The following AP2M1 variants were observed in gnomAD, a reference collection of about 807,000 sequenced individuals.
AP2M1 encodes the protein AP-2 complex subunit mu.
In AP2M1, 5 loss-of-function variants were observed where a neutral mutation model predicts 54.5. The observed-to-expected ratio is 0.09, with a 90% CI of 0.05 to 0.19. AP2M1 has a LOEUF of 0.19. Among genes scored for constraint, AP2M1 ranks in the 10% least tolerant of loss-of-function variants. AP2M1 has a pLI of 1.00. For synonymous variants in AP2M1, 186 were observed against 208.2 expected (o/e 0.89, Z 0.92); for missense variants, 178 against 580.2 (o/e 0.31, Z 7.12).
In AP2M1 at chr3:184,182,143, A is replaced by T; in HGVS notation, c.964-8A>T. 1 of 1,613,676 alleles carries T rather than the reference A, an allele frequency of 6.2e-7. No individual in the cohort carries two copies. Among genetic ancestry groups the T allele is most frequent in the Non-Finnish European group, 8.5e-7 (1 of 1,179,770 alleles). On this transcript the variant is annotated splice_polypyrimidine_tract_variant and splice_region_variant and intron_variant, in intron 9 of 11. Transcript: ENST00000292807. This position sits in a 1 kb window ranked among gnomAD's most constrained non-coding sequence, Gnocchi z 5.5. ...GACAGAGCTCCCTGACAGGTGTGTC[A>T]CTTCTAGGTGAGGATCCCAACCCCA...
At position 184,178,015 on chromosome 3, in the gene AP2M1, C is replaced by G; in HGVS notation, c.75-842C>G. 3.0e-6 allele frequency: 2 copies of G among 674,496 alleles called. No individual in the cohort carries two copies. Among genetic ancestry groups the G allele is most frequent in the East Asian group, 5.5e-5 (2 of 36,676 alleles). 41.8% of individuals were successfully genotyped at this position (674,496 alleles called of 1,614,324 possible). A position where few individuals can be genotyped will look rare whatever the true frequency, so the allele number is the denominator to read the frequency against. The stretch of plus-strand genomic sequence containing the variant: ...GTCTGAACCTGGCTGGCTACACCCC[C>G]CACCCCAGACCCCCTCCTGCCTTGG... On this transcript the variant is annotated intron_variant, in intron 2 of 11. Coordinates refer to ENST00000292807, the MANE Select transcript of AP2M1 (RefSeq NM_004068.4). This position sits in a 1 kb window ranked among gnomAD's most constrained non-coding sequence, Gnocchi z 4.9.
chr3:184,175,788 G>A (rs2109027581), intron 1 of AP2M1, among the ~76,000 whole-genome samples: 1 of 152,144 alleles, frequency 6.6e-6, no homozygotes, highest in Non-Finnish European at 1.5e-5. Flanking sequence ...TGTGGACTTG[G>A]TGCTTTGCCC....
At position 184,181,275 on chromosome 3, in the gene AP2M1, C is replaced by T. The variant is rs1386981023; in HGVS notation, c.707+49C>T. On this transcript the variant is annotated intron_variant, in intron 7 of 11. Coordinates refer to ENST00000292807, the MANE Select transcript of AP2M1 (RefSeq NM_004068.4). The surrounding 1 kb of genome is among the most constrained non-coding windows in gnomAD (Gnocchi z 5.7). ...GGGAGAGGGTGTCCCTTGGAGGGCT[C>T]AGTGGGGTCTAGTGAACCACAAGTT... 3.7e-6 allele frequency: 6 copies of T among 1,609,272 alleles called. No individual in the cohort carries two copies. The highest frequency in any genetic ancestry group is 1.3e-5 in the African/African-American group (1 of 74,850).
In AP2M1 at chr3:184,180,401, GCT is replaced by G; in HGVS notation, c.423+153_423+154del. On this transcript the variant is annotated intron_variant, in intron 4 of 11. Transcript: ENST00000292807. The surrounding 1 kb of genome is among the most constrained non-coding windows in gnomAD (Gnocchi z 4.9). Reference sequence around the variant, plus strand: ...CCTGCCATGATTGCAGGCCGATTTTGCTCTGTGTGGTCCTCCCACTGCAGGAG... The same window carrying G: ...CCTGCCATGATTGCAGGCCGATTTTGCTGTGTGGTCCTCCCACTGCAGGAG... 9.0e-7 allele frequency: 1 copy of G among 1,112,310 alleles called. No individual in the cohort carries two copies. The highest frequency in any genetic ancestry group is 2.6e-5 in the East Asian group (1 of 39,172). The allele number at this position is 1,112,310 out of a possible 1,614,324, so 68.9% of individuals were successfully genotyped here. A position where few individuals can be genotyped will look rare whatever the true frequency, so the allele number is the denominator to read the frequency against.
intron 1 of AP2M1, 109 bp from the exon 2 acceptor site, chr3:184,176,842 T>C: frequency 1.4e-6 from 1 of 696,138 alleles, no homozygotes; most frequent in Non-Finnish European, 2.3e-6. Context: ...GCAGGGTCAC[T>C]TACTAAAGGG....
rs1044542584 is a variant in AP2M1, at chr3:184,178,804, G to A, written c.75-53G>A. On this transcript the variant is annotated intron_variant, in intron 2 of 11. Coordinates refer to ENST00000292807, the MANE Select transcript of AP2M1 (RefSeq NM_004068.4). This position sits in a 1 kb window ranked among gnomAD's most constrained non-coding sequence, Gnocchi z 4.9. ...GTTAGCAGCTGTGGTTGATCCTTAT[G>A]GGGTAAGGTTCACCTGGGTGCTGAG... is the stretch of plus-strand genomic sequence containing the variant. 80 of 1,589,934 alleles carry A rather than the reference G, an allele frequency of 5.0e-5. 1 individual carries two copies. In the African/African-American group the frequency reaches 1.0e-3, roughly 21 times the overall value.
Position 184,180,371 on chromosome 3 carries a change from A to G in AP2M1, c.423+120A>G. On this transcript the variant is annotated intron_variant, in intron 4 of 11. Transcript: ENST00000292807. This position sits in a 1 kb window ranked among gnomAD's most constrained non-coding sequence, Gnocchi z 4.9. ...TCCCATGACAGGAAGTGCTGGCCTG[A>G]GCCTCCTGCCATGATTGCAGGCCGA... 2 of 1,301,392 alleles carry G rather than the reference A, an allele frequency of 1.5e-6. No individual in the cohort carries two copies. The highest frequency in any genetic ancestry group is 2.7e-5 in the South Asian group (2 of 74,600). 80.6% of individuals were successfully genotyped at this position (1,301,392 alleles called of 1,614,324 possible). A position where few individuals can be genotyped will look rare whatever the true frequency, so the allele number is the denominator to read the frequency against.
chr3:184,176,598 T>C lies in AP2M1; in HGVS notation c.-43-353T>C, dbSNP rs1715080814. Among the ~76,000 whole-genome samples the C allele has an allele frequency of 2.7e-5, 4 of 150,872 alleles. No individual in the cohort carries two copies. In the South Asian group the frequency reaches 8.4e-4, roughly 32 times the overall value. On this transcript the variant is annotated intron_variant, in intron 1 of 11. Transcript: ENST00000292807. ...CCGCAGGCAGGCAGGCAAGCCTTAG[T>C]GAGTCACTGGCGGGAGCCCGAGAGT...
chr3:184,176,775 T>C (rs894598444), intron 1 of AP2M1, 176 bp from the exon 2 acceptor site: 6 of 526,438 alleles, frequency 1.1e-5, no homozygotes, highest in African/African-American at 2.0e-5. Context: ...TCCCATCTAG[T>C]GTGGAATAAA....
intron 2 of AP2M1, chr3:184,177,771 C>T (rs888912738): frequency 7.8e-5 from 52 of 670,450 alleles, no homozygotes; most frequent in Non-Finnish European, 1.2e-4. Context: ...ACTGAAGGGA[C>T]CTATCCTAGC....
In AP2M1 at chr3:184,178,016, C is replaced by G. The variant is rs1577057951; in HGVS notation, c.75-841C>G. The G allele has an allele frequency of 1.5e-6, 1 of 675,814 alleles. No individual in the cohort carries two copies. The highest frequency in any genetic ancestry group is 2.6e-6 in the Non-Finnish European group (1 of 379,754). The allele number at this position is 675,814 out of a possible 1,614,324, so 41.9% of individuals were successfully genotyped here. On this transcript the variant is annotated intron_variant, in intron 2 of 11. Coordinates refer to ENST00000292807, the MANE Select transcript of AP2M1 (RefSeq NM_004068.4). The surrounding 1 kb of genome is among the most constrained non-coding windows in gnomAD (Gnocchi z 4.9). ...TCTGAACCTGGCTGGCTACACCCCC[C>G]ACCCCAGACCCCCTCCTGCCTTGGA...
Position 184,183,943 on chromosome 3 carries a change from G to T in AP2M1, c.*327G>T. On this transcript the variant is annotated 3_prime_UTR_variant, in exon 12 of 12. Transcript: ENST00000292807. This position sits in a 1 kb window ranked among gnomAD's most constrained non-coding sequence, Gnocchi z 5.7. ...TGTGGCCACAGCTCTGGAGTGGGAG[G>T]GTTGGTTGCCCCTCACCTCAGAGCT... 3.5e-6 allele frequency: 1 copy of T among 283,068 alleles called. No homozygotes were observed. Among genetic ancestry groups the T allele is most frequent in the Admixed American group, 4.3e-5 (1 of 23,210 alleles). 17.5% of individuals were successfully genotyped at this position (283,068 alleles called of 1,614,324 possible).
At position 184,178,186 on chromosome 3, in the gene AP2M1, T is replaced by C. The variant is rs1399161288; in HGVS notation, c.75-671T>C. On this transcript the variant is annotated intron_variant, in intron 2 of 11. Transcript: ENST00000292807. The surrounding 1 kb of genome is among the most constrained non-coding windows in gnomAD (Gnocchi z 4.9). ...CACTCTCCTCTTCTTGCTGGCGTCA[T>C]TTCTCTCATCCCATCTCATTGGCTG... 3 of 1,535,258 alleles carry C rather than the reference T, an allele frequency of 2.0e-6. No individual in the cohort carries two copies. The highest frequency in any genetic ancestry group is 2.7e-5 in the African/African-American group (2 of 73,048).
chr3:184,183,723 C>T lies in AP2M1; in HGVS notation c.*107C>T, dbSNP rs1715349040. 1 of 1,340,214 alleles carries T rather than the reference C, an allele frequency of 7.5e-7. No homozygotes were observed. Among genetic ancestry groups the T allele is most frequent in the South Asian group, 1.3e-5 (1 of 76,844 alleles). 83.0% of individuals were successfully genotyped at this position (1,340,214 alleles called of 1,614,324 possible). On this transcript the variant is annotated 3_prime_UTR_variant, in exon 12 of 12. Coordinates refer to ENST00000292807, the MANE Select transcript of AP2M1 (RefSeq NM_004068.4). The surrounding 1 kb of genome is among the most constrained non-coding windows in gnomAD (Gnocchi z 5.7). ...GTGTCTCCTCCCTCCTGCTTTGCTGCCTTCCCTTTGCACCAGCCCGAGTCT... is the reference window on the plus strand; with the variant it reads ...GTGTCTCCTCCCTCCTGCTTTGCTGTCTTCCCTTTGCACCAGCCCGAGTCT...
chr3:184,183,385 C>T lies in AP2M1; in HGVS notation c.1174-97C>T, dbSNP rs1715337373. 1.3e-6 allele frequency: 2 copies of T among 1,560,502 alleles called. No individual in the cohort carries two copies. Among genetic ancestry groups the T allele is most frequent in the Admixed American group, 3.6e-5 (2 of 55,094 alleles). On this transcript the variant is annotated intron_variant, in intron 11 of 11. Transcript: ENST00000292807. The surrounding 1 kb of genome is among the most constrained non-coding windows in gnomAD (Gnocchi z 5.7). ...TTCAGGACCCCAGCCATACAAACACCTGTAGTAGCGATGAAGTAGGGCAGG... is the reference window on the plus strand; with the variant it reads ...TTCAGGACCCCAGCCATACAAACACTTGTAGTAGCGATGAAGTAGGGCAGG...
chr3:184,180,282 T>C lies in AP2M1; in HGVS notation c.423+31T>C. On this transcript the variant is annotated intron_variant, in intron 4 of 11. Coordinates refer to ENST00000292807, the MANE Select transcript of AP2M1 (RefSeq NM_004068.4). The surrounding 1 kb of genome is among the most constrained non-coding windows in gnomAD (Gnocchi z 4.9). Reference sequence around the variant, plus strand: ...TGAATTGTGCAGACTATAGTCAGGGTGGAGTCCAATCTCCCTTCATCTCAG... The same window carrying C: ...TGAATTGTGCAGACTATAGTCAGGGCGGAGTCCAATCTCCCTTCATCTCAG... The C allele has an allele frequency of 6.2e-7, 1 of 1,609,584 alleles. No homozygotes were observed. Among genetic ancestry groups the C allele is most frequent in the Non-Finnish European group, 8.5e-7 (1 of 1,176,488 alleles).
At position 184,183,791 on chromosome 3, in the gene AP2M1, CCCCTGGGCT is replaced by C. The variant is rs1715351549; in HGVS notation, c.*184_*192del. 2.9e-6 allele frequency: 2 copies of C among 699,508 alleles called. No individual in the cohort carries two copies. Among genetic ancestry groups the C allele is most frequent in the East Asian group, 2.9e-5 (1 of 34,724 alleles). The allele number at this position is 699,508 out of a possible 1,614,324, so 43.3% of individuals were successfully genotyped here. A position where few individuals can be genotyped will look rare whatever the true frequency, so the allele number is the denominator to read the frequency against. On this transcript the variant is annotated 3_prime_UTR_variant, in exon 12 of 12. Coordinates refer to ENST00000292807, the MANE Select transcript of AP2M1 (RefSeq NM_004068.4). This position sits in a 1 kb window ranked among gnomAD's most constrained non-coding sequence, Gnocchi z 5.7. Reference sequence around the variant, plus strand: ...ATTACAAGTGGGACCGGTGGAGCAGCCCCTGGGCTCCCTGGGCAGGGGAGTTCTGAGGCT... The same window carrying C: ...ATTACAAGTGGGACCGGTGGAGCAGCCCCTGGGCAGGGGAGTTCTGAGGCT...
chr3:184,178,191 C>T lies in AP2M1; in HGVS notation c.75-666C>T. The T allele has an allele frequency of 6.5e-7, 1 of 1,535,734 alleles. No individual in the cohort carries two copies. Among genetic ancestry groups the T allele is most frequent in the South Asian group, 1.2e-5 (1 of 84,056 alleles). On this transcript the variant is annotated intron_variant, in intron 2 of 11. Transcript: ENST00000292807. The surrounding 1 kb of genome is among the most constrained non-coding windows in gnomAD (Gnocchi z 4.9). The stretch of plus-strand genomic sequence containing the variant: ...TCCTCTTCTTGCTGGCGTCATTTCT[C>T]TCATCCCATCTCATTGGCTGCCGTA...
At position 184,181,503 on chromosome 3, in the gene AP2M1, C is replaced by A; in HGVS notation, c.708-193C>A. On this transcript the variant is annotated intron_variant, in intron 7 of 11. Coordinates refer to ENST00000292807, the MANE Select transcript of AP2M1 (RefSeq NM_004068.4). The surrounding 1 kb of genome is among the most constrained non-coding windows in gnomAD (Gnocchi z 5.7). Reference sequence around the variant, plus strand: ...GTGCCTGAAACACCCAGGTCCCTAGCAGAAGGAGCCCCAAGAGATGAGCTT... The same window carrying A: ...GTGCCTGAAACACCCAGGTCCCTAGAAGAAGGAGCCCCAAGAGATGAGCTT... The A allele has an allele frequency of 2.3e-6, 2 of 870,200 alleles. No homozygotes were observed. The highest frequency in any genetic ancestry group is 3.4e-6 in the Non-Finnish European group (2 of 579,920). 53.9% of individuals were successfully genotyped at this position (870,200 alleles called of 1,614,324 possible).
Sources: gnomAD v4.1 joint callset for allele counts (sites outside exome capture counted in the v4.1 genomes callset) on GRCh38, gnomAD v4.1.1 for gene constraint, Gnocchi (gnomAD v3.1) non-coding constraint, MANE v1.5 for transcripts, NCBI Gene and HGNC (gene_info 2026-07-23, HGNC 2026-07-21) for gene names.